GRM8: variants seen among roughly 807,000 people sequenced by gnomAD.
GRM8 encodes the protein glutamate metabotropic receptor 8.
GRM8 carries 47 observed loss-of-function variants against 87.2 expected under a neutral mutation model. The observed-to-expected ratio is 0.54, with a 90% CI of 0.43 to 0.69. GRM8 has a LOEUF of 0.69. Ranked by LOEUF, GRM8 falls within the 30% of genes least tolerant of loss-of-function variation. The probability of loss-of-function intolerance (pLI) is 0.00; values close to 1 mark genes in which losing one functional copy is unlikely to be tolerated. For missense variants in GRM8, 1,019 were observed against 1,139.2 expected, an observed-to-expected ratio of 0.89 and a Z score of 1.52; for synonymous variants, 396 against 404.5, an observed-to-expected ratio of 0.98 and a Z score of 0.25.
chr7:126,864,377 C>T (rs2130842330), intron 6 of GRM8, among the ~76,000 whole-genome samples: 1 of 152,126 alleles, frequency 6.6e-6, no homozygotes, highest in Admixed American at 6.5e-5. Flanking sequence ...TTTATTCTAT[C>T]CTCGACAGCT....
At chr7:126,824,005 T>G (rs765815870) in intron 6 of GRM8, among the ~76,000 whole-genome samples, 3 of 152,186 alleles carry the variant, frequency 2.0e-5, no homozygotes, top group Non-Finnish European at 4.4e-5. Flanking sequence ...GAAGGCAATC[T>G]CTCTTAAATC....
chr7:126,573,858 A>G (rs1427487285), intron 8 of GRM8, among the ~76,000 whole-genome samples: 3 of 152,146 alleles, frequency 2.0e-5, no homozygotes, highest in Non-Finnish European at 4.4e-5. Flanking sequence ...AAGTGCTGGG[A>G]TTACAGGCAT....
At chr7:126,847,884 C>G (rs908186323) in intron 6 of GRM8, among the ~76,000 whole-genome samples, 1 of 152,106 alleles carries the variant, frequency 6.6e-6, no homozygotes, top group Non-Finnish European at 1.5e-5. Flanking sequence ...ACTTTGGGAA[C>G]TAAAATCTGC....
At chr7:127,120,329 T>C (rs1488678978) in intron 2 of GRM8, among the ~76,000 whole-genome samples, 2 of 152,236 alleles carry the variant, frequency 1.3e-5, no homozygotes, top group African/African-American at 4.8e-5. Context: ...AATGCTTATA[T>C]GTTTTGGTAT....
At chr7:126,954,298 G>A (rs969069314) in intron 3 of GRM8, among the ~76,000 whole-genome samples, 2 of 152,052 alleles carry the variant, frequency 1.3e-5, no homozygotes, top group African/African-American at 4.8e-5. Flanking sequence ...GCCAGTCACG[G>A]GGACATGAAA....
At chr7:126,693,755 CT>C (rs1809069884) in intron 7 of GRM8, among the ~76,000 whole-genome samples, 1 of 152,070 alleles carries the variant, frequency 6.6e-6, no homozygotes, top group Non-Finnish European at 1.5e-5. Context: ...TTTGTTTAAT[CT>C]TTTGCTGGGC....
At chr7:127,191,902 C>T (rs1254213399) in intron 2 of GRM8, among the ~76,000 whole-genome samples, 2 of 152,010 alleles carry the variant, frequency 1.3e-5, no homozygotes, top group East Asian at 1.9e-4. Flanking sequence ...GGGCTGGTAC[C>T]GCATTAAATT....
At chr7:126,732,038 T>C (rs1053889944) in intron 7 of GRM8, among the ~76,000 whole-genome samples, 12 of 152,164 alleles carry the variant, frequency 7.9e-5, no homozygotes, top group African/African-American at 2.9e-4. Flanking sequence ...AAAGCTACCA[T>C]ATTGACAATC....
intron 1 of GRM8, among the ~76,000 whole-genome samples, chr7:127,249,096 T>C (rs1444807636): frequency 6.6e-6 from 1 of 152,206 alleles, no homozygotes; most frequent in African/African-American, 2.4e-5. Flanking sequence ...AGCCAATAAA[T>C]AGCCAGCAGC....
Position 126,560,446 on chromosome 7 carries a change from T to C in GRM8, c.1495-26559A>G, listed in dbSNP as rs73449223. On this transcript the variant is annotated intron_variant, in intron 8 of 10. Coordinates refer to ENST00000339582, the MANE Select transcript of GRM8 (RefSeq NM_000845.3). ...TTCAAGCAGCAGGGGGGAATGCTTT[T>C]AGTCAGCCTTCTATTGTTATCTATA... Among the ~76,000 whole-genome samples the C allele has an allele frequency of 3.2e-3, 492 of 152,272 alleles. 3 individuals are homozygous for C. The highest frequency in any genetic ancestry group is 0.011 in the African/African-American group (450 of 41,556).
At chr7:126,713,962 C>T (rs1159921801) in intron 7 of GRM8, among the ~76,000 whole-genome samples, 1 of 150,960 alleles carries the variant, frequency 6.6e-6, no homozygotes, top group African/African-American at 2.4e-5. Flanking sequence ...CAGAAACAAG[C>T]AGAAGGTAAT....
chr7:126,821,483 T>A (rs1233538237), intron 6 of GRM8, among the ~76,000 whole-genome samples: 2 of 152,160 alleles, frequency 1.3e-5, no homozygotes, highest in African/African-American at 4.8e-5. Flanking sequence ...GAACAGGGAA[T>A]GAAAAAGTTT....
At chr7:126,597,211 T>G (rs1305876283) in intron 8 of GRM8, among the ~76,000 whole-genome samples, 1 of 152,156 alleles carries the variant, frequency 6.6e-6, no homozygotes, top group South Asian at 2.1e-4. Context: ...CAGTTAATTA[T>G]TGGAAGCTTT....
In GRM8 at chr7:126,952,653, T is replaced by C. The variant is rs145190056; in HGVS notation, c.728-47970A>G. Reference sequence around the variant, plus strand: ...GCATCACAAATCCCATGACATGATGTGCTGAGAAGAACACATCATTTCTGT... The same window carrying C: ...GCATCACAAATCCCATGACATGATGCGCTGAGAAGAACACATCATTTCTGT... On this transcript the variant is annotated intron_variant, in intron 3 of 10. Coordinates refer to ENST00000339582, the MANE Select transcript of GRM8 (RefSeq NM_000845.3). 1.6e-3 allele frequency among the ~76,000 whole-genome samples: 249 copies of C among 152,136 alleles called. 1 individual carries two copies. The highest frequency in any genetic ancestry group is 5.8e-3 in the African/African-American group (241 of 41,538).
chr7:127,027,209 C>T (rs1022352082), intron 3 of GRM8, among the ~76,000 whole-genome samples: 1 of 152,096 alleles, frequency 6.6e-6, no homozygotes, highest in Non-Finnish European at 1.5e-5. Context: ...TGTTTTGGTA[C>T]CAGTACCATG....
intron 8 of GRM8, among the ~76,000 whole-genome samples, chr7:126,554,119 C>T (rs780983130): frequency 7.2e-5 from 11 of 151,794 alleles, no homozygotes; most frequent in African/African-American, 2.4e-4. Flanking sequence ...TAAGTGCTTC[C>T]TAAAATTGTT....
At chr7:126,472,790 G>A (rs1338780948) in intron 9 of GRM8, among the ~76,000 whole-genome samples, 1 of 152,180 alleles carries the variant, frequency 6.6e-6, no homozygotes, top group Non-Finnish European at 1.5e-5. Flanking sequence ...AGAGCCCAGG[G>A]CCCTACTGCT....
At chr7:127,235,599 A>G (rs924313929) in intron 2 of GRM8, among the ~76,000 whole-genome samples, 27 of 152,234 alleles carry the variant, frequency 1.8e-4, no homozygotes, top group African/African-American at 5.5e-4. Context: ...AAAATAAAGT[A>G]TGGTCCATCC....
chr7:127,091,660 C>A (rs1196994651), intron 3 of GRM8, among the ~76,000 whole-genome samples: 5 of 135,512 alleles, frequency 3.7e-5, no homozygotes, highest in African/African-American at 1.4e-4. Flanking sequence ...CCCACCCCAC[C>A]ATCCCACTGA....
Sources: allele counts gnomAD v4.1 joint callset (sites outside exome capture counted in the v4.1 genomes callset), GRCh38; gene constraint gnomAD v4.1.1; transcripts MANE v1.5; gene names NCBI Gene and HGNC (gene_info 2026-07-23, HGNC 2026-07-21).